Variants in IL23R observed in about 807,000 individuals in gnomAD.
IL23R encodes interleukin 23 receptor.
IL23R carries 34 observed loss-of-function variants against 56.9 expected under a neutral mutation model. The ratio of observed to expected loss-of-function variants is 0.60; its 90% CI spans 0.45 to 0.80. IL23R has a LOEUF of 0.80. Ranked by LOEUF, IL23R falls within the 30% of genes least tolerant of loss-of-function variation. The pLI, the probability that IL23R is intolerant of heterozygous loss-of-function variation, is 0.00. For missense variants in IL23R, 635 were observed against 730.0 expected (o/e 0.87, Z 1.50); for synonymous variants, 230 against 249.2 (o/e 0.92, Z 0.73).
Position 67,240,185 on chromosome 1 carries a change from G to A in IL23R, c.1052G>A (p.Arg351Lys). ...TTTTCTTTCCTTTCATTAGACAACA[G>A]AGGAGACATTGGACTTTTATTGGGA... ...ISTGHLTSDN[R>K]GDIGLLLGMI... Residue 351 changes from arginine to lysine, a missense_variant, in exon 9 of 11, where the codon AGA becomes AAA. By Grantham distance (26) the Arg-to-Lys change is conservative. Transcript: ENST00000347310. 6.2e-7 allele frequency: 1 copy of A among 1,600,026 alleles called. No homozygotes were observed. The highest frequency in any genetic ancestry group is 1.1e-5 in the South Asian group (1 of 90,792).
At chr1:67,241,153 C>T (rs1054325774) in intron 9 of IL23R, among the ~76,000 whole-genome samples, 1 of 152,146 alleles carries the variant, frequency 6.6e-6, no homozygotes, top group Admixed American at 6.5e-5. Context: ...GTGATTTTCT[C>T]AATTTTGAGA....
intron 1 of IL23R, among the ~76,000 whole-genome samples, chr1:67,150,899 T>C (rs1367438458): frequency 6.6e-6 from 1 of 152,204 alleles, no homozygotes; most frequent in African/African-American, 2.4e-5. Context: ...TTATAAATAG[T>C]GCTGCAATAA....
intron 3 of IL23R, among the ~76,000 whole-genome samples, chr1:67,173,241 C>G (rs554072361): frequency 6.6e-6 from 1 of 152,176 alleles, no homozygotes; most frequent in East Asian, 1.9e-4. Context: ...ACTCACAGGC[C>G]CATCTTTACA....
intron 7 of IL23R, among the ~76,000 whole-genome samples, chr1:67,222,081 T>C (rs1196144012): frequency 2.0e-5 from 3 of 148,888 alleles, no homozygotes; most frequent in Admixed American, 6.6e-5. Context: ...AGGGAATCCT[T>C]TTCTCTTTCT....
intron 9 of IL23R, among the ~76,000 whole-genome samples, chr1:67,249,980 C>T (rs140765966): frequency 9.7e-4 from 148 of 152,290 alleles, no homozygotes; most frequent in African/African-American, 3.4e-3. Flanking sequence ...CCAATGTCCA[C>T]ACAGAATTTC....
At chr1:67,163,514 A>G (rs1441642178), upstream of IL23R, among the ~76,000 whole-genome samples, 1 of 151,322 alleles carries the variant, frequency 6.6e-6, no homozygotes, top group African/African-American at 2.4e-5. Flanking sequence ...AAAAGAAAAG[A>G]AAAAAGAAAA....
Position 67,219,731 on chromosome 1 carries a change from G to A in IL23R, c.955+1G>A. 1 of 1,612,824 alleles carries A rather than the reference G, an allele frequency of 6.2e-7. No homozygotes were observed. Among genetic ancestry groups the A allele is most frequent in the Non-Finnish European group, 8.5e-7 (1 of 1,178,874 alleles). Reference sequence around the variant, plus strand: ...TTTTTTCATAAAACACCTGAAACAGGTGAGTGTACTTATATATTTTATTCT... The same window carrying A: ...TTTTTTCATAAAACACCTGAAACAGATGAGTGTACTTATATATTTTATTCT... On this transcript the variant is annotated splice_donor_variant, in intron 7 of 10. Transcript: ENST00000347310. LOFTEE classifies it high-confidence loss of function.
intron 3 of IL23R, among the ~76,000 whole-genome samples, chr1:67,170,956 C>T (rs1646935758): frequency 6.6e-6 from 1 of 152,138 alleles, no homozygotes; most frequent in Admixed American, 6.6e-5. Flanking sequence ...GAAGGAAAGT[C>T]ATAGGTTTTG....
upstream of IL23R, among the ~76,000 whole-genome samples, chr1:67,165,835 G>T (rs1424173201): frequency 6.6e-6 from 1 of 152,114 alleles, no homozygotes; most frequent in Non-Finnish European, 1.5e-5. Flanking sequence ...GGAAGCTATT[G>T]GTCGAAGGGC....
intron 3 of IL23R, among the ~76,000 whole-genome samples, chr1:67,178,474 C>T (rs923829782): frequency 6.6e-6 from 1 of 152,170 alleles, no homozygotes; most frequent in African/African-American, 2.4e-5. Context: ...ATTTTGTATC[C>T]TGAGACTTTG....
At chr1:67,252,949 G>A (rs1652728836) in intron 9 of IL23R, among the ~76,000 whole-genome samples, 1 of 152,198 alleles carries the variant, frequency 6.6e-6, no homozygotes, top group African/African-American at 2.4e-5. Flanking sequence ...ATGGTCCACT[G>A]GGATTGGCCA....
At chr1:67,248,715 T>C (rs1306982694) in intron 9 of IL23R, among the ~76,000 whole-genome samples, 2 of 152,150 alleles carry the variant, frequency 1.3e-5, no homozygotes, top group Non-Finnish European at 1.5e-5. Flanking sequence ...AAATTTCAGC[T>C]TTTTTGTGCT....
chr1:67,250,364 AC>A (rs1031520147), intron 9 of IL23R, among the ~76,000 whole-genome samples: 2 of 152,184 alleles, frequency 1.3e-5, no homozygotes, highest in Non-Finnish European at 2.9e-5. Flanking sequence ...ACAAGAATTT[AC>A]CATACAACTT....
At chr1:67,207,283 G>T in intron 6 of IL23R, 1 of 591,872 alleles carries the variant, frequency 1.7e-6, no homozygotes, top group Non-Finnish European at 3.0e-6. Flanking sequence ...TTGAGGTTTG[G>T]GGTATGATTG....
At chr1:67,232,967 G>A (rs913953704) in intron 7 of IL23R, among the ~76,000 whole-genome samples, 13 of 152,060 alleles carry the variant, frequency 8.5e-5, no homozygotes, top group Middle Eastern at 3.4e-3. Context: ...AGACATGCCT[G>A]TTTCCCCGAT....
chr1:67,256,644 C>G (rs1357037441), intron 10 of IL23R, among the ~76,000 whole-genome samples: 1 of 152,054 alleles, frequency 6.6e-6, no homozygotes, highest in Non-Finnish European at 1.5e-5. Context: ...GAAATGAGCC[C>G]AAACATGTGA....
rs1203691109 is a variant in IL23R, at chr1:67,206,959, A to G, written c.702A>G (p.Thr234=). ...CCAGGGCTGAGACTATAAATGCTAC[A>G]GTGCCCAAGACCATAATTTATTGGG... ...VISRAETINA[T]VPKTIIYWDS... Residue 234 remains threonine (T), a synonymous_variant, in exon 6 of 11, where the codon ACA becomes ACG. Transcript: ENST00000347310. 6.2e-7 allele frequency: 1 copy of G among 1,607,566 alleles called. No individual in the cohort carries two copies.
chr1:67,207,994 C>T (rs2102640007), intron 6 of IL23R, among the ~76,000 whole-genome samples: 1 of 152,268 alleles, frequency 6.6e-6, no homozygotes, highest in East Asian at 1.9e-4. Context: ...GGGGTGGTCT[C>T]AGATGGAGAT....
At chr1:67,208,661 T>C (rs1649247282) in intron 6 of IL23R, among the ~76,000 whole-genome samples, 2 of 152,180 alleles carry the variant, frequency 1.3e-5, no homozygotes, top group Non-Finnish European at 2.9e-5. Context: ...AGAAGATGTA[T>C]GGAAATGCCT....
Sources: allele counts gnomAD v4.1 joint callset (sites outside exome capture counted in the v4.1 genomes callset), GRCh38; gene constraint gnomAD v4.1.1; transcripts MANE v1.5; gene names NCBI Gene and HGNC (gene_info 2026-07-23, HGNC 2026-07-21).